The following YLPM1 variants were observed in gnomAD, a reference collection of about 807,000 sequenced individuals.
The protein encoded by YLPM1 is YLP motif-containing protein 1.
Under a neutral mutation model 230.0 loss-of-function variants are expected in YLPM1, and 99 were observed. That is an observed-to-expected ratio of 0.43 (90% CI 0.37 to 0.51). The LOEUF is 0.51. YLPM1 is among the 20% of genes least tolerant of loss of function. The pLI is 0.00. For synonymous variants in YLPM1, 984 were observed against 942.5 expected, an observed-to-expected ratio of 1.04 and a Z score of -0.81; for missense variants, 2,592 against 2,707.7, an observed-to-expected ratio of 0.96 and a Z score of 0.95.
Position 74,781,352 on chromosome 14 carries a change from C to T in YLPM1, c.1309C>T (p.Gln437Ter). The T allele has an allele frequency of 6.4e-7, 1 of 1,567,448 alleles. No individual in the cohort carries two copies. The highest frequency in any genetic ancestry group is 8.7e-7 in the Non-Finnish European group (1 of 1,155,292). The change falls in exon 4 of 21, where the codon CAG becomes TAG. Residue 437 changes from glutamine (Q) to a stop codon, truncating the protein, a stop_gained. Coordinates refer to ENST00000325680, the MANE Select transcript of YLPM1 (RefSeq NM_019589.3). LOFTEE classifies it high-confidence loss of function. ...PHIQTMSVDM[Q>*]LRHYEMQQQQ... ...TTTGTAGACCATGTCTGTAGATATG[C>T]AGCTGCGGCATTATGAGATGCAGCA...
At chr14:74,818,415 T>C in intron 16 of YLPM1, 101 bp downstream of exon 16, 2 of 948,272 alleles carry the variant, frequency 2.1e-6, no homozygotes, top group Non-Finnish European at 3.0e-6. Flanking sequence ...ATGAATAGTA[T>C]TCATACAAGA....
At chr14:74,770,599 TG>T (rs1378978595) in intron 1 of YLPM1, among the ~76,000 whole-genome samples, 19 of 151,860 alleles carry the variant, frequency 1.3e-4, no homozygotes, top group Non-Finnish European at 1.8e-4. Flanking sequence ...CTCTCTAGCC[TG>T]GGCGACAGAG....
intron 1 of YLPM1, among the ~76,000 whole-genome samples, chr14:74,769,851 A>ACCC (rs113231747): frequency 1.6e-4 from 12 of 76,784 alleles, no homozygotes; most frequent in Admixed American, 2.8e-4. Context: ...AAAGTGAGAC[A>ACCC]CCCCCCCCCC....
intron 17 of YLPM1, 85 bp from the exon 18 acceptor site, chr14:74,824,171 G>C: frequency 7.3e-7 from 1 of 1,368,004 alleles, no homozygotes. Flanking sequence ...TCCATTCCCA[G>C]TTTTAATGCT....
intron 19 of YLPM1, among the ~76,000 whole-genome samples, chr14:74,833,022 G>A (rs927251500): frequency 2.0e-5 from 3 of 149,266 alleles, no homozygotes; most frequent in Admixed American, 6.7e-5. Flanking sequence ...GCTGTGGGCT[G>A]TTTACTTTTT....
In YLPM1 at chr14:74,797,651, T is replaced by C; in HGVS notation, c.2354T>C (p.Phe785Ser). The C allele has an allele frequency of 6.3e-7, 1 of 1,586,012 alleles. No individual in the cohort carries two copies. The highest frequency in any genetic ancestry group is 8.6e-7 in the Non-Finnish European group (1 of 1,165,446). The stretch of plus-strand genomic sequence containing the variant: ...GGACCGAGACCCAAAGGGCCTCGTT[T>C]TGAAGGAAATCGCCCCGATGGGCCA... ...CEGPRPKGPR[F>S]EGNRPDGPRP... The change falls in exon 5 of 21, where the codon TTT becomes TCT. Residue 785 changes from phenylalanine (F) to serine (S), a missense_variant. Phe to Ser is a radical substitution (Grantham distance 155). Transcript: ENST00000325680.
chr14:74,809,995 T>G lies in YLPM1; in HGVS notation c.5025T>G (p.Phe1675Leu). The G allele has an allele frequency of 6.2e-7, 1 of 1,603,178 alleles. No individual in the cohort carries two copies. The highest frequency in any genetic ancestry group is 8.5e-7 in the Non-Finnish European group (1 of 1,174,504). ...RPDPLPERSTFETEHAGQRDR... is the reference protein window; with the variant it reads ...RPDPLPERSTLETEHAGQRDR... The stretch of plus-strand genomic sequence containing the variant: ...ATCCACTACCTGAAAGATCAACTTT[T>G]GAGACAGGTAGGATTCCCAGAGAGG... The change falls in exon 8 of 21, where the codon TTT becomes TTG. Residue 1675 changes from phenylalanine to leucine, a missense_variant. Phe to Leu is a conservative substitution (Grantham distance 22, BLOSUM62 0). This residue lies in a region of YLPM1 where 403 missense variants were observed against 426.7 expected (regional missense o/e 0.94). Coordinates refer to ENST00000325680, the MANE Select transcript of YLPM1 (RefSeq NM_019589.3).
intron 15 of YLPM1, 110 bp downstream of exon 15, chr14:74,817,387 T>C: frequency 1.0e-6 from 1 of 1,000,988 alleles, no homozygotes; most frequent in Non-Finnish European, 1.4e-6. Context: ...TAATGTATTT[T>C]TATTGTACCT....
chr14:74,809,442 C>A lies in YLPM1; in HGVS notation c.4584C>A (p.Pro1528=). Residue 1528 remains proline (P), a synonymous_variant, in exon 7 of 21, where the codon CCC becomes CCA. Coordinates refer to ENST00000325680, the MANE Select transcript of YLPM1 (RefSeq NM_019589.3). ...AACCACCAGGTTCAATTGTAAGACCCTCTGCTCCACCAGCAAGATCATCTG... is the reference window on the plus strand; with the variant it reads ...AACCACCAGGTTCAATTGTAAGACCATCTGCTCCACCAGCAAGATCATCTG... ...MGKPPGSIVR[P]SAPPARSSVP... is the part of the protein sequence containing the mutation. 1 of 1,604,342 alleles carries A rather than the reference C, an allele frequency of 6.2e-7. No individual in the cohort carries two copies. Among genetic ancestry groups the A allele is most frequent in the Non-Finnish European group, 8.5e-7 (1 of 1,174,850 alleles).
At chr14:74,778,934 A>G (rs554131776) in intron 2 of YLPM1, among the ~76,000 whole-genome samples, 5 of 152,178 alleles carry the variant, frequency 3.3e-5, no homozygotes, top group African/African-American at 1.2e-4. Flanking sequence ...TCTGCCTCCC[A>G]GGTTCAGGCA....
In YLPM1 at chr14:74,817,052, A is replaced by G. The variant is rs1237460317; in HGVS notation, c.5807A>G (p.Asp1936Gly). Residue 1936 changes from aspartate to glycine, a missense_variant, in exon 14 of 21, where the codon GAC becomes GGC. This residue lies in a region of YLPM1 where 315 missense variants were observed against 429.3 expected (regional missense o/e 0.73). Transcript: ENST00000325680. ...TTCATCATCCTGGATGCCATCAATG[A>G]CAGAGTTAGGCATTTTGACCAGTTT... is the stretch of plus-strand genomic sequence containing the variant. ...FPFIILDAIN[D>G]RVRHFDQFWS... The G allele has an allele frequency of 6.2e-7, 1 of 1,611,414 alleles. No homozygotes were observed.
intron 10 of YLPM1, among the ~76,000 whole-genome samples, chr14:74,812,415 A>C (rs1378163935): frequency 6.6e-6 from 1 of 152,224 alleles, no homozygotes; most frequent in Admixed American, 6.5e-5. Flanking sequence ...TTTGCAGAAC[A>C]TTCTATTTGC....
At position 74,821,191 on chromosome 14, in the gene YLPM1, G is replaced by C; in HGVS notation, c.6111+54G>C. On this transcript the variant is annotated intron_variant, in intron 17 of 20. Transcript: ENST00000325680. ...GTGTCTCTTTATTAAAATTCTTAAAGAAGGTTTAAATTCAGATCTGTGGTT... is the reference window on the plus strand; with the variant it reads ...GTGTCTCTTTATTAAAATTCTTAAACAAGGTTTAAATTCAGATCTGTGGTT... 2.0e-6 allele frequency: 3 copies of C among 1,511,274 alleles called. No individual in the cohort carries two copies. The East Asian group carries it at 7.5e-5, about 38-fold the overall frequency. The allele number at this position is 1,511,274 out of a possible 1,614,324, so 93.6% of individuals were successfully genotyped here. A position where few individuals can be genotyped will look rare whatever the true frequency, so the allele number is the denominator to read the frequency against.
intron 4 of YLPM1, among the ~76,000 whole-genome samples, chr14:74,792,792 G>T (rs977676199): frequency 2.6e-5 from 4 of 152,052 alleles, no homozygotes; most frequent in African/African-American, 9.7e-5. Context: ...CTGACCCTCC[G>T]GAATGTGATT....
At chr14:74,784,768 T>C (rs1318799601) in intron 4 of YLPM1, among the ~76,000 whole-genome samples, 1 of 152,242 alleles carries the variant, frequency 6.6e-6, no homozygotes, top group Non-Finnish European at 1.5e-5. Context: ...ACTACAGTTA[T>C]TTAAAAACTA....
chr14:74,790,597 T>A (rs995788002), intron 4 of YLPM1, among the ~76,000 whole-genome samples: 5 of 152,160 alleles, frequency 3.3e-5, no homozygotes, highest in Admixed American at 6.5e-5. Flanking sequence ...AGGGGTTTTT[T>A]AAGAGATTTA....
intron 10 of YLPM1, 99 bp from the exon 11 acceptor site, chr14:74,812,529 C>T (rs1304092971): frequency 7.3e-6 from 9 of 1,228,810 alleles, no homozygotes; most frequent in Non-Finnish European, 9.5e-6. Flanking sequence ...AATCACTGGA[C>T]TTGGTTTGAA....
At chr14:74,823,942 G>A (rs1337925153) in intron 17 of YLPM1, 1 of 232,506 alleles carries the variant, frequency 4.3e-6, no homozygotes. Context: ...GTAACTACCT[G>A]TACATTCTTA....
chr14:74,816,302 C>T, intron 12 of YLPM1, 37 bp downstream of exon 12: 1 of 1,591,406 alleles, frequency 6.3e-7, no homozygotes, highest in African/African-American at 1.3e-5. Context: ...GCTGCTTGTG[C>T]TGCTTGTGTT....
Sources: gnomAD v4.1 joint callset for allele counts (sites outside exome capture counted in the v4.1 genomes callset) on GRCh38, gnomAD v4.1.1 for gene constraint, gnomAD v4.1.1 regional missense constraint, MANE v1.5 for transcripts, NCBI Gene and HGNC (gene_info 2026-07-23, HGNC 2026-07-21) for gene names.